The following UTP14C variants were observed in gnomAD, a reference collection of about 807,000 sequenced individuals.
UTP14C encodes U3 small nucleolar RNA-associated protein 14 homolog C.
A neutral mutation model predicts 14.6 loss-of-function variants in UTP14C; 10 were observed. The observed-to-expected ratio is 0.68, with a 90% CI of 0.42 to 1.16. The LOEUF (loss-of-function observed/expected upper bound fraction) is 1.16. Among genes scored for constraint, UTP14C ranks in the 50% most tolerant of loss-of-function variants. The probability of loss-of-function intolerance (pLI) is 0.00; values close to 1 mark genes in which losing one functional copy is unlikely to be tolerated. For synonymous variants in UTP14C, 315 were observed against 331.6 expected (o/e 0.95, Z 0.54); for missense variants, 818 against 890.8 (o/e 0.92, Z 1.04).
In UTP14C at chr13:52,029,760, G is replaced by T; in HGVS notation, c.956G>T (p.Arg319Leu). 1.2e-6 allele frequency: 2 copies of T among 1,614,144 alleles called. No individual in the cohort carries two copies. Among genetic ancestry groups the T allele is most frequent in the Non-Finnish European group, 1.7e-6 (2 of 1,180,014 alleles). ...AIMAKYDLEARQAMQEQLAKN... is the reference protein window; with the variant it reads ...AIMAKYDLEALQAMQEQLAKN... ...ATGGCCAAATATGACCTGGAGGCTC[G>T]CCAAGCTATGCAGGAACAGTTGGCC... Residue 319 changes from arginine to leucine, a missense_variant, in exon 2 of 2, where the codon CGC (arginine) becomes CTC (leucine). Transcript: ENST00000521776.
chr13:52,026,399 A>G (rs529137466), intron 1 of UTP14C, among the ~76,000 whole-genome samples: 8 of 152,298 alleles, frequency 5.3e-5, no homozygotes, highest in Non-Finnish European at 7.3e-5. Flanking sequence ...ATTGCACGTA[A>G]AAGCTTTCTG....
Position 52,032,594 on chromosome 13 carries a change from G to A in UTP14C, c.*1489G>A, listed in dbSNP as rs1954316566. 1.2e-5 allele frequency: 2 copies of A among 167,090 alleles called. No individual in the cohort carries two copies. Among genetic ancestry groups the A allele is most frequent in the East Asian group, 3.9e-4 (2 of 5,194 alleles). The allele number at this position is 167,090 out of a possible 1,614,324, so 10.4% of individuals were successfully genotyped here. On this transcript the variant is annotated 3_prime_UTR_variant, in exon 2 of 2. Coordinates refer to ENST00000521776, the MANE Select transcript of UTP14C (RefSeq NM_021645.6). Reference sequence around the variant, plus strand: ...CTCCTCTCAGTCATTCATCAATGTGGCCAGCTTATCTACTCCCAATTATGT... The same window carrying A: ...CTCCTCTCAGTCATTCATCAATGTGACCAGCTTATCTACTCCCAATTATGT...
Position 52,028,386 on chromosome 13 carries a change from C to T in UTP14C, c.-419C>T. On this transcript the variant is annotated 5_prime_UTR_variant, in exon 2 of 2. Transcript: ENST00000521776. ...ACAATTCGGGGGGCCCAAAGCTTGA[C>T]ATTGTGGTTCCTCACGAAGGAGATA... The T allele has an allele frequency of 6.2e-7, 1 of 1,614,130 alleles. No homozygotes were observed. The highest frequency in any genetic ancestry group is 8.5e-7 in the Non-Finnish European group (1 of 1,180,030).
chr13:52,029,867 C>T lies in UTP14C; in HGVS notation c.1063C>T (p.Leu355Phe). 6.2e-7 allele frequency: 1 copy of T among 1,614,226 alleles called. No individual in the cohort carries two copies. Among genetic ancestry groups the T allele is most frequent in the Non-Finnish European group, 8.5e-7 (1 of 1,180,040 alleles). Residue 355 changes from leucine (L) to phenylalanine (F), a missense_variant, in exon 2 of 2, where the codon CTT becomes TTT. Coordinates refer to ENST00000521776, the MANE Select transcript of UTP14C (RefSeq NM_021645.6). ...GGGAGGCACAGAAGTGGAAGAACTC[C>T]TTGTCCCTCATGTAGCGAATGAAGT... ...EEGGTEVEEL[L>F]VPHVANEVQM...
Position 52,030,278 on chromosome 13 carries a change from C to A in UTP14C, c.1474C>A (p.Pro492Thr). 6.2e-7 allele frequency: 1 copy of A among 1,614,070 alleles called. No individual in the cohort carries two copies. The highest frequency in any genetic ancestry group is 1.1e-5 in the South Asian group (1 of 91,080). The change falls in exon 2 of 2, where the codon CCA (proline) becomes ACA (threonine). Residue 492 changes from proline to threonine, a missense_variant. Transcript: ENST00000521776. ...CCAGGTCCAGAGAGAGGAACCTGCC[C>A]CAGAAGAAGCGGAACCCCTATTGCT... ...VPQVQREEPA[P>T]EEAEPLLLQR... is the part of the protein sequence containing the mutation.
rs1244276468 is a variant in UTP14C, at chr13:52,031,419, AG to A, written c.*315del. On this transcript the variant is annotated 3_prime_UTR_variant, in exon 2 of 2. Coordinates refer to ENST00000521776, the MANE Select transcript of UTP14C (RefSeq NM_021645.6). ...GTTTAATCGTGTTCTCAAAGCATAC[AG>A]TCAAGAGGTGGGACTGACTGATGCT... The A allele has an allele frequency of 3.1e-6, 1 of 319,684 alleles. No homozygotes were observed. Among genetic ancestry groups the A allele is most frequent in the African/African-American group, 2.1e-5 (1 of 47,150 alleles). The allele number at this position is 319,684 out of a possible 1,614,324, so 19.8% of individuals were successfully genotyped here.
In UTP14C at chr13:52,030,349, G is replaced by A. The variant is rs1173441850; in HGVS notation, c.1545G>A (p.Leu515=). 2 of 1,614,052 alleles carry A rather than the reference G, an allele frequency of 1.2e-6. No individual in the cohort carries two copies. Among genetic ancestry groups the A allele is most frequent in the Non-Finnish European group, 1.7e-6 (2 of 1,180,046 alleles). ...AAACTCTGGAAGAGCTAGAAGAGCT[G>A]GGAAAAGAAGATTGTTTTCAAAATA... is the stretch of plus-strand genomic sequence containing the variant. ...RVQTLEELEE[L]GKEDCFQNKE... is the part of the protein sequence containing the mutation. The change falls in exon 2 of 2, where the codon CTG becomes CTA. Residue 515 remains leucine, a synonymous_variant. Transcript: ENST00000521776.
Position 52,029,097 on chromosome 13 carries a change from C to G in UTP14C, c.293C>G (p.Ser98Cys). The change falls in exon 2 of 2, where the codon TCT becomes TGT. Residue 98 changes from serine to cysteine, a missense_variant. By Grantham distance (112) the Ser-to-Cys change is moderately radical. Coordinates refer to ENST00000521776, the MANE Select transcript of UTP14C (RefSeq NM_021645.6). ...CTTGAGCCCGTTAAAACTTCATCTT[C>G]TTTGGCCACTGTAAAAAAGCAACTG... ...DLLEPVKTSS[S>C]LATVKKQLNR... The G allele has an allele frequency of 6.2e-7, 1 of 1,614,222 alleles. No homozygotes were observed.
rs1248681114 is a variant in UTP14C at position 52,033,558 on chromosome 13, GA to G, written c.*2455del. 3.0e-5 allele frequency: 5 copies of G among 166,890 alleles called. No individual in the cohort carries two copies. The highest frequency in any genetic ancestry group is 1.2e-4 in the African/African-American group (5 of 41,404). 10.3% of individuals were successfully genotyped at this position (166,890 alleles called of 1,614,324 possible). A position where few individuals can be genotyped will look rare whatever the true frequency, so the allele number is the denominator to read the frequency against. On this transcript the variant is annotated 3_prime_UTR_variant, in exon 2 of 2. Coordinates refer to ENST00000521776, the MANE Select transcript of UTP14C (RefSeq NM_021645.6). ...TCCCAAGCTCCATATGCCAATTAAAGAAGAAACAAAAATAAAAGTTTGTCTT... is the reference window on the plus strand; with the variant it reads ...TCCCAAGCTCCATATGCCAATTAAAGAGAAACAAAAATAAAAGTTTGTCTT...
rs946188752 is a variant in UTP14C at position 52,031,348 on chromosome 13, G to A, written c.*243G>A. 2.7e-5 allele frequency: 15 copies of A among 548,144 alleles called. No individual in the cohort carries two copies. Among genetic ancestry groups the A allele is most frequent in the Non-Finnish European group, 4.7e-5 (15 of 318,442 alleles). 34.0% of individuals were successfully genotyped at this position (548,144 alleles called of 1,614,324 possible). A position where few individuals can be genotyped will look rare whatever the true frequency, so the allele number is the denominator to read the frequency against. Reference sequence around the variant, plus strand: ...AAACAATACAGTGGATGACCCTTTTGAATATACCTAATGATTTCCTTAAAA... The same window carrying A: ...AAACAATACAGTGGATGACCCTTTTAAATATACCTAATGATTTCCTTAAAA... On this transcript the variant is annotated 3_prime_UTR_variant, in exon 2 of 2. Coordinates refer to ENST00000521776, the MANE Select transcript of UTP14C (RefSeq NM_021645.6).
chr13:52,029,382 A>G lies in UTP14C; in HGVS notation c.578A>G (p.Lys193Arg), dbSNP rs765920315. Residue 193 changes from lysine (K) to arginine (R), a missense_variant, in exon 2 of 2, where the codon AAG (lysine) becomes AGG (arginine). Physicochemically the swap from Lys to Arg is conservative, Grantham distance 26. Coordinates refer to ENST00000521776, the MANE Select transcript of UTP14C (RefSeq NM_021645.6). ...CAGGAAATTTTTAACCTCCTCCATA[A>G]GAACAAGCAGCCAGTGACAGATCCT... ...LEQEIFNLLH[K>R]NKQPVTDPLL... 3.1e-6 allele frequency: 5 copies of G among 1,614,038 alleles called. No individual in the cohort carries two copies. In the Admixed American group the frequency reaches 5.0e-5, roughly 16 times the overall value.
In UTP14C at chr13:52,031,327, A is replaced by G; in HGVS notation, c.*222A>G. 1.5e-6 allele frequency: 1 copy of G among 653,214 alleles called. No individual in the cohort carries two copies. Among genetic ancestry groups the G allele is most frequent in the Non-Finnish European group, 2.5e-6 (1 of 395,164 alleles). The allele number at this position is 653,214 out of a possible 1,614,324, so 40.5% of individuals were successfully genotyped here. Reference sequence around the variant, plus strand: ...ATTCTAGTACATTTAAATTCTAAACAATACAGTGGATGACCCTTTTGAATA... The same window carrying G: ...ATTCTAGTACATTTAAATTCTAAACGATACAGTGGATGACCCTTTTGAATA... On this transcript the variant is annotated 3_prime_UTR_variant, in exon 2 of 2. Coordinates refer to ENST00000521776, the MANE Select transcript of UTP14C (RefSeq NM_021645.6).
Position 52,030,324 on chromosome 13 carries a change from A to C in UTP14C, c.1520A>C (p.Gln507Pro). The change falls in exon 2 of 2, where the codon CAA becomes CCA. Residue 507 changes from glutamine to proline, a missense_variant. Physicochemically the swap from Gln to Pro is moderately conservative, Grantham distance 76 (BLOSUM62 -1). Coordinates refer to ENST00000521776, the MANE Select transcript of UTP14C (RefSeq NM_021645.6). Reference sequence around the variant, plus strand: ...TTGCTACAGAGGTCAGAGAGAGTACAAACTCTGGAAGAGCTAGAAGAGCTG... The same window carrying C: ...TTGCTACAGAGGTCAGAGAGAGTACCAACTCTGGAAGAGCTAGAAGAGCTG... ...PLLLQRSERV[Q>P]TLEELEELGK... 6.2e-7 allele frequency: 1 copy of C among 1,614,242 alleles called. No individual in the cohort carries two copies. The highest frequency in any genetic ancestry group is 8.5e-7 in the Non-Finnish European group (1 of 1,180,042).
In UTP14C at chr13:52,030,131, A is replaced by C; in HGVS notation, c.1327A>C (p.Ser443Arg). 6.2e-7 allele frequency: 1 copy of C among 1,614,250 alleles called. No homozygotes were observed. Among genetic ancestry groups the C allele is most frequent in the Non-Finnish European group, 8.5e-7 (1 of 1,180,046 alleles). The change falls in exon 2 of 2, where the codon AGT becomes CGT. Residue 443 changes from serine (S) to arginine (R), a missense_variant. Coordinates refer to ENST00000521776, the MANE Select transcript of UTP14C (RefSeq NM_021645.6). ...ELNQDAEPAS[S>R]QETKDSSSQE... ...CAACCAGGATGCTGAGCCAGCAAGC[A>C]GTCAAGAAACAAAAGATTCTAGCAG...
rs1954318406 is a variant in UTP14C at position 52,032,820 on chromosome 13, T to C, written c.*1715T>C. On this transcript the variant is annotated 3_prime_UTR_variant, in exon 2 of 2. Coordinates refer to ENST00000521776, the MANE Select transcript of UTP14C (RefSeq NM_021645.6). Reference sequence around the variant, plus strand: ...TTTTCAGCTTTACAGACAAGAACAATTTAAATCTAAAGAATTTAGTAGATT... The same window carrying C: ...TTTTCAGCTTTACAGACAAGAACAACTTAAATCTAAAGAATTTAGTAGATT... 1 of 167,098 alleles carries C rather than the reference T, an allele frequency of 6.0e-6. No individual in the cohort carries two copies. Among genetic ancestry groups the C allele is most frequent in the African/African-American group, 2.4e-5 (1 of 41,460 alleles). The allele number at this position is 167,098 out of a possible 1,614,324, so 10.4% of individuals were successfully genotyped here. A position where few individuals can be genotyped will look rare whatever the true frequency, so the allele number is the denominator to read the frequency against.
chr13:52,031,955 T>G lies in UTP14C; in HGVS notation c.*850T>G. 1 of 166,340 alleles carries G rather than the reference T, an allele frequency of 6.0e-6. No individual in the cohort carries two copies. The allele number at this position is 166,340 out of a possible 1,614,324, so 10.3% of individuals were successfully genotyped here. On this transcript the variant is annotated 3_prime_UTR_variant, in exon 2 of 2. Transcript: ENST00000521776. ...CGACAGTTAAGGGCTGGGTGCGGTGTCTCACACCTGTAATCCCAGCACTTT... is the reference window on the plus strand; with the variant it reads ...CGACAGTTAAGGGCTGGGTGCGGTGGCTCACACCTGTAATCCCAGCACTTT...
chr13:52,030,714 G>A lies in UTP14C; in HGVS notation c.1910G>A (p.Gly637Asp), dbSNP rs776204371. The change falls in exon 2 of 2, where the codon GGC (glycine) becomes GAC (aspartate). Residue 637 changes from glycine (G) to aspartate (D), a missense_variant. Coordinates refer to ENST00000521776, the MANE Select transcript of UTP14C (RefSeq NM_021645.6). ...LPGWGEWGGV[G>D]LKPSAKKRRQ... ...GGCTGGGGCGAGTGGGGTGGTGTGG[G>A]CCTAAAGCCCAGTGCCAAGAAAAGA... 1 of 1,614,234 alleles carries A rather than the reference G, an allele frequency of 6.2e-7. No individual in the cohort carries two copies. Among genetic ancestry groups the A allele is most frequent in the Middle Eastern group, 1.6e-4 (1 of 6,062 alleles).
rs1243262080 is a variant in UTP14C, at chr13:52,033,258, G to T, written c.*2153G>T. On this transcript the variant is annotated 3_prime_UTR_variant, in exon 2 of 2. Coordinates refer to ENST00000521776, the MANE Select transcript of UTP14C (RefSeq NM_021645.6). Reference sequence around the variant, plus strand: ...TTAATTCCTCTCAGATGTCATTTTTGAGTGGTCCAAGCCTGCTGTTTTGAA... The same window carrying T: ...TTAATTCCTCTCAGATGTCATTTTTTAGTGGTCCAAGCCTGCTGTTTTGAA... The T allele has an allele frequency of 6.0e-6, 1 of 166,988 alleles. No individual in the cohort carries two copies. Among genetic ancestry groups the T allele is most frequent in the Non-Finnish European group, 1.5e-5 (1 of 68,108 alleles). The allele number at this position is 166,988 out of a possible 1,614,324, so 10.3% of individuals were successfully genotyped here.
chr13:52,031,749 C>T lies in UTP14C; in HGVS notation c.*644C>T, dbSNP rs2140855114. The T allele has an allele frequency of 6.0e-6, 1 of 167,332 alleles. No homozygotes were observed. Among genetic ancestry groups the T allele is most frequent in the Middle Eastern group, 3.4e-3 (1 of 298 alleles). 10.4% of individuals were successfully genotyped at this position (167,332 alleles called of 1,614,324 possible). A position where few individuals can be genotyped will look rare whatever the true frequency, so the allele number is the denominator to read the frequency against. On this transcript the variant is annotated 3_prime_UTR_variant, in exon 2 of 2. Coordinates refer to ENST00000521776, the MANE Select transcript of UTP14C (RefSeq NM_021645.6). ...AAGAGCGCTGGGCAAGCAGTTAGCA[C>T]ATCTGGGCCTACCTTCAGCTTCTTC...
Sources: allele counts gnomAD v4.1 joint callset (sites outside exome capture counted in the v4.1 genomes callset), GRCh38; gene constraint gnomAD v4.1.1; transcripts MANE v1.5; gene names NCBI Gene and HGNC (gene_info 2026-07-23, HGNC 2026-07-21).